Variants in MAP3K4 observed in about 807,000 individuals in gnomAD.
The protein encoded by MAP3K4 is MAP three kinase 1.
In MAP3K4, 67 loss-of-function variants were observed where a neutral mutation model predicts 185.6. The ratio of observed to expected loss-of-function variants is 0.36; its 90% CI spans 0.30 to 0.44. The LOEUF is 0.44. MAP3K4 is among the 20% of genes least tolerant of loss of function. The pLI is 1.00. For synonymous variants in MAP3K4, 702 were observed against 710.4 expected (o/e 0.99, Z 0.19); for missense variants, 1,551 against 1,995.1 (o/e 0.78, Z 4.24).
intron 1 of MAP3K4, among the ~76,000 whole-genome samples, chr6:161,032,095 C>T (rs1309393575): frequency 6.6e-6 from 1 of 152,210 alleles, no homozygotes; most frequent in African/African-American, 2.4e-5. Context: ...CTATGCTGGA[C>T]AGTCCTGGAG....
rs1250760804 is a variant in MAP3K4, at chr6:161,109,232, T to G, written c.4236+373T>G. Among the ~76,000 whole-genome samples, 1 of 152,198 alleles carries G rather than the reference T, an allele frequency of 6.6e-6. No individual in the cohort carries two copies. The highest frequency in any genetic ancestry group is 1.9e-4 in the East Asian group (1 of 5,194). On this transcript the variant is annotated intron_variant, in intron 22 of 26. Transcript: ENST00000392142. This position sits in a 1 kb window ranked among gnomAD's most constrained non-coding sequence, Gnocchi z 5.7. ...TTCTTGTATGTATTTAGGGAGCCATTGTGAAATGAGAGAAAATTCAAACCT... is the reference window on the plus strand; with the variant it reads ...TTCTTGTATGTATTTAGGGAGCCATGGTGAAATGAGAGAAAATTCAAACCT...
rs191142920 is a variant in MAP3K4 at position 161,054,957 on chromosome 6, T to A, written c.1707+4978T>A. ...TCTTTTTTATATTTTCTCATTTATCTTCTTCTTCTCTTATTCCATTGCTGT... is the reference window on the plus strand; with the variant it reads ...TCTTTTTTATATTTTCTCATTTATCATCTTCTTCTCTTATTCCATTGCTGT... On this transcript the variant is annotated intron_variant, in intron 3 of 26. Coordinates refer to ENST00000392142, the MANE Select transcript of MAP3K4 (RefSeq NM_005922.4). The surrounding 1 kb of genome is among the most constrained non-coding windows in gnomAD (Gnocchi z 4.2). 9.2e-5 allele frequency among the ~76,000 whole-genome samples: 14 copies of A among 152,344 alleles called. No individual in the cohort carries two copies. Among genetic ancestry groups the A allele is most frequent in the Admixed American group, 9.1e-4 (14 of 15,306 alleles).
chr6:161,035,333 T>C (rs1050556592), intron 2 of MAP3K4, among the ~76,000 whole-genome samples: 1 of 152,206 alleles, frequency 6.6e-6, no homozygotes, highest in Non-Finnish European at 1.5e-5. Flanking sequence ...TCCCTTTCTG[T>C]AGTCTGTGTT....
rs935235121 is a variant in MAP3K4, at chr6:161,022,292, A to G, written c.153-11967A>G. On this transcript the variant is annotated intron_variant, in intron 1 of 26. Coordinates refer to ENST00000392142, the MANE Select transcript of MAP3K4 (RefSeq NM_005922.4). The surrounding 1 kb of genome is among the most constrained non-coding windows in gnomAD (Gnocchi z 4.2). ...GTTAGACCTTTTATTTGACATATAC[A>G]GATAAATAAACCAGGCAGAATCCCC... 6.6e-6 allele frequency: 1 copy of G among 152,258 alleles called. No homozygotes were observed. Among genetic ancestry groups the G allele is most frequent in the Admixed American group, 6.5e-5 (1 of 15,290 alleles). The allele number at this position is 152,258 out of a possible 1,614,324, so 9.4% of individuals were successfully genotyped here.
At position 161,112,825 on chromosome 6, in the gene MAP3K4, A is replaced by C. The variant is rs1234431175; in HGVS notation, c.4626+51A>C. On this transcript the variant is annotated intron_variant, in intron 25 of 26. Coordinates refer to ENST00000392142, the MANE Select transcript of MAP3K4 (RefSeq NM_005922.4). The surrounding 1 kb of genome is among the most constrained non-coding windows in gnomAD (Gnocchi z 5.1). Reference sequence around the variant, plus strand: ...GAGCAACTTCAGAAGGGCACTGTGCATTAACAGAACAGTAGTTATGGATTG... The same window carrying C: ...GAGCAACTTCAGAAGGGCACTGTGCCTTAACAGAACAGTAGTTATGGATTG... The C allele has an allele frequency of 1.6e-6, 2 of 1,251,672 alleles. No homozygotes were observed. Among genetic ancestry groups the C allele is most frequent in the Non-Finnish European group, 2.2e-6 (2 of 908,148 alleles). 77.5% of individuals were successfully genotyped at this position (1,251,672 alleles called of 1,614,324 possible). A position where few individuals can be genotyped will look rare whatever the true frequency, so the allele number is the denominator to read the frequency against.
In MAP3K4 at chr6:161,054,777, A is replaced by G. The variant is rs1198859078; in HGVS notation, c.1707+4798A>G. 6.6e-6 allele frequency among the ~76,000 whole-genome samples: 1 copy of G among 152,240 alleles called. No individual in the cohort carries two copies. Among genetic ancestry groups the G allele is most frequent in the Non-Finnish European group, 1.5e-5 (1 of 68,042 alleles). Reference sequence around the variant, plus strand: ...ACAGTGTTGTAAATAAGAGAGTCTCAGATTATCAAATGAAACTTATTTAAA... The same window carrying G: ...ACAGTGTTGTAAATAAGAGAGTCTCGGATTATCAAATGAAACTTATTTAAA... On this transcript the variant is annotated intron_variant, in intron 3 of 26. Coordinates refer to ENST00000392142, the MANE Select transcript of MAP3K4 (RefSeq NM_005922.4). This position sits in a 1 kb window ranked among gnomAD's most constrained non-coding sequence, Gnocchi z 4.2.
At chr6:160,997,804 A>G (rs1296204555) in intron 1 of MAP3K4, among the ~76,000 whole-genome samples, 1 of 152,190 alleles carries the variant, frequency 6.6e-6, no homozygotes, top group African/African-American at 2.4e-5. Context: ...GGCCATAGGC[A>G]TGACACTTGA....
Position 161,109,122 on chromosome 6 carries a change from C to G in MAP3K4, c.4236+263C>G. On this transcript the variant is annotated intron_variant, in intron 22 of 26. Transcript: ENST00000392142. This position sits in a 1 kb window ranked among gnomAD's most constrained non-coding sequence, Gnocchi z 5.7. Reference sequence around the variant, plus strand: ...TGCCATTCAGAAGATTCTTCTAAAACGCCCCTTACACCACTTCTTGTGACT... The same window carrying G: ...TGCCATTCAGAAGATTCTTCTAAAAGGCCCCTTACACCACTTCTTGTGACT... 1.0e-6 allele frequency: 1 copy of G among 955,102 alleles called. No individual in the cohort carries two copies. Among genetic ancestry groups the G allele is most frequent in the African/African-American group, 1.6e-5 (1 of 61,618 alleles). The allele number at this position is 955,102 out of a possible 1,614,324, so 59.2% of individuals were successfully genotyped here. A position where few individuals can be genotyped will look rare whatever the true frequency, so the allele number is the denominator to read the frequency against.
intron 1 of MAP3K4, among the ~76,000 whole-genome samples, chr6:161,021,929 A>G (rs1322738492): frequency 1.3e-5 from 2 of 151,568 alleles, no homozygotes; most frequent in Non-Finnish European, 2.9e-5. Context: ...AGACCCAAGA[A>G]AACAAAAAAA....
chr6:161,018,710 T>C (rs1170676481), intron 1 of MAP3K4, among the ~76,000 whole-genome samples: 1 of 152,126 alleles, frequency 6.6e-6, no homozygotes, highest in Non-Finnish European at 1.5e-5. Flanking sequence ...AAATATGACC[T>C]ATAACCAGGA....
chr6:161,073,674 C>A lies in MAP3K4; in HGVS notation c.2097+62C>A. On this transcript the variant is annotated intron_variant, in intron 5 of 26. Transcript: ENST00000392142. The surrounding 1 kb of genome is among the most constrained non-coding windows in gnomAD (Gnocchi z 4.2). ...TTGTTTCTTTTTTTAAAAAAGTAAG[C>A]CTGTATTTCCTTGTTTTGCAAACAG... 1 of 1,539,080 alleles carries A rather than the reference C, an allele frequency of 6.5e-7. No homozygotes were observed. The highest frequency in any genetic ancestry group is 8.8e-7 in the Non-Finnish European group (1 of 1,138,088).
Position 161,108,738 on chromosome 6 carries a change from T to C in MAP3K4, c.4120-5T>C. The C allele has an allele frequency of 6.3e-7, 1 of 1,581,776 alleles. No individual in the cohort carries two copies. The highest frequency in any genetic ancestry group is 8.7e-7 in the Non-Finnish European group (1 of 1,150,452). On this transcript the variant is annotated splice_polypyrimidine_tract_variant and splice_region_variant and intron_variant, in intron 21 of 26. Transcript: ENST00000392142. This position sits in a 1 kb window ranked among gnomAD's most constrained non-coding sequence, Gnocchi z 5.7. The stretch of plus-strand genomic sequence containing the variant: ...AGTTAACATTTTTGTCACCTCACTT[T>C]ACAGATTCGATTTCAACCTAATGAC...
intron 1 of MAP3K4, among the ~76,000 whole-genome samples, chr6:161,006,779 G>C (rs1781603000): frequency 6.6e-6 from 1 of 151,836 alleles, no homozygotes; most frequent in Non-Finnish European, 1.5e-5. Context: ...CAAAGAGAAA[G>C]CCTATATATT....
In MAP3K4 at chr6:161,091,583, G is replaced by T. The variant is rs1777314682; in HGVS notation, c.3135+43G>T. On this transcript the variant is annotated intron_variant, in intron 12 of 26. Transcript: ENST00000392142. The surrounding 1 kb of genome is among the most constrained non-coding windows in gnomAD (Gnocchi z 5.5). ...GGAAACACGGTACAATTTAGTAATT[G>T]CTTGATAACTTACAGAAAGTTTTTG... is the stretch of plus-strand genomic sequence containing the variant. The T allele has an allele frequency of 3.8e-6, 6 of 1,559,330 alleles. No individual in the cohort carries two copies. Among genetic ancestry groups the T allele is most frequent in the Non-Finnish European group, 5.2e-6 (6 of 1,149,162 alleles).
At chr6:161,013,257 T>A (rs1401601597) in intron 1 of MAP3K4, among the ~76,000 whole-genome samples, 1 of 152,196 alleles carries the variant, frequency 6.6e-6, no homozygotes, top group African/African-American at 2.4e-5. Flanking sequence ...CATGTTTCAC[T>A]GCTATATAAA....
rs375178977 is a variant in MAP3K4, at chr6:161,053,537, A to C, written c.1707+3558A>C. Among the ~76,000 whole-genome samples the C allele has an allele frequency of 2.0e-5, 3 of 152,182 alleles. No homozygotes were observed. The highest frequency in any genetic ancestry group is 7.2e-5 in the African/African-American group (3 of 41,450). ...TTTAACCTCTGCCAAATAATTGTAC[A>C]TTTTAAGGGCATACATTTTAGGCAG... is the stretch of plus-strand genomic sequence containing the variant. On this transcript the variant is annotated intron_variant, in intron 3 of 26. Transcript: ENST00000392142. This position sits in a 1 kb window ranked among gnomAD's most constrained non-coding sequence, Gnocchi z 4.2.
At chr6:161,055,619 A>G (rs1401207397) in intron 3 of MAP3K4, among the ~76,000 whole-genome samples, 1 of 152,196 alleles carries the variant, frequency 6.6e-6, no homozygotes, top group East Asian at 1.9e-4. Context: ...CTGTTCTAGG[A>G]ACCAGTCGAG....
chr6:161,023,939 A>AT (rs1478587399), intron 1 of MAP3K4, among the ~76,000 whole-genome samples: 1 of 152,148 alleles, frequency 6.6e-6, no homozygotes, highest in African/African-American at 2.4e-5. Flanking sequence ...TAAACTTTTA[A>AT]TTTTGGAATA....
At chr6:161,081,669 T>C (rs1293302113) in intron 6 of MAP3K4, among the ~76,000 whole-genome samples, 1 of 152,096 alleles carries the variant, frequency 6.6e-6, no homozygotes, top group Non-Finnish European at 1.5e-5. Context: ...TTCTAGGAAA[T>C]GAACATCTTG....
Sources: gnomAD v4.1 joint callset for allele counts (sites outside exome capture counted in the v4.1 genomes callset) on GRCh38, gnomAD v4.1.1 for gene constraint, Gnocchi (gnomAD v3.1) non-coding constraint, MANE v1.5 for transcripts, NCBI Gene and HGNC (gene_info 2026-07-23, HGNC 2026-07-21) for gene names.